Variants in ADGRE3 observed in about 807,000 individuals in gnomAD.
ADGRE3 encodes adhesion G protein-coupled receptor E3.
Under a neutral mutation model 80.1 loss-of-function variants are expected in ADGRE3, and 88 were observed. The observed-to-expected ratio is 1.10, with a 90% confidence interval of 0.93 to 1.31. The LOEUF is 1.31. ADGRE3 is among the 40% of genes most tolerant of loss of function. The pLI, the probability that ADGRE3 is intolerant of heterozygous loss-of-function variation, is 0.00. For missense variants in ADGRE3, 715 were observed against 776.5 expected (o/e 0.92, Z 0.94); for synonymous variants, 281 against 294.8 (o/e 0.95, Z 0.48).
chr19:14,663,562 G>C (rs746122510), intron 2 of ADGRE3, 22 bp from the exon 3 acceptor site: 1 of 1,607,044 alleles, frequency 6.2e-7, no homozygotes, highest in Admixed American at 1.7e-5. Flanking sequence ...AGAGAGGCAG[G>C]TTAAATGGAC....
At chr19:14,652,271 A>G (rs1257539514) in intron 6 of ADGRE3, among the ~76,000 whole-genome samples, 1 of 152,080 alleles carries the variant, frequency 6.6e-6, no homozygotes, top group East Asian at 1.9e-4. Flanking sequence ...AATATATACA[A>G]TTTTCTTTAT....
intron 10 of ADGRE3, 54 bp downstream of exon 10, chr19:14,641,365 T>A: frequency 6.2e-7 from 1 of 1,603,578 alleles, no homozygotes; most frequent in Non-Finnish European, 8.5e-7. Flanking sequence ...CATTGCTCCA[T>A]GAGCTCAGTG....
rs1368515830 is a variant in ADGRE3, at chr19:14,661,973, G to A, written c.345C>T (p.Asn115=). 6.2e-7 allele frequency: 1 copy of A among 1,614,112 alleles called. No homozygotes were observed. The highest frequency in any genetic ancestry group is 1.3e-5 in the African/African-American group (1 of 75,052). The change falls in exon 4 of 16, where the codon AAC becomes AAT. Residue 115 remains asparagine, a synonymous_variant. Coordinates refer to ENST00000253673, the MANE Select transcript of ADGRE3 (RefSeq NM_032571.5). Reference sequence around the variant, plus strand: ...CAAAAATGTTCTTACCCTGACAGGTGTTCTCATTGGAATTACTGAATTGTT... The same window carrying A: ...CAAAAATGTTCTTACCCTGACAGGTATTCTCATTGGAATTACTGAATTGTT... ...GNEQFSNSNE[N]TCQDTTSSKT...
the ADGRE3 span, chr19:14,610,567 A>T: frequency 5.1e-6 from 1 of 195,146 alleles, no homozygotes; most frequent in East Asian, 1.4e-4. Context: ...CCTGTGAACC[A>T]CAAAGAGCTG....
chr19:14,618,086 T>C (rs111340997), downstream of ADGRE3, among the ~76,000 whole-genome samples: 15,074 of 152,134 alleles, frequency 0.099, 795 homozygotes, highest in African/African-American at 0.13. Context: ...CCAGGCTCTT[T>C]TACACTTTAA....
At chr19:14,671,475 A>G (rs1418567945) in intron 1 of ADGRE3, among the ~76,000 whole-genome samples, 1 of 152,010 alleles carries the variant, frequency 6.6e-6, no homozygotes, top group Non-Finnish European at 1.5e-5. Context: ...TGTGATTATT[A>G]TATTAGGCCC....
chr19:14,669,576 C>T (rs112494156), intron 1 of ADGRE3, among the ~76,000 whole-genome samples: 6,148 of 152,184 alleles, frequency 0.04, 138 homozygotes, highest in East Asian at 0.1. Flanking sequence ...ACAACCTCCA[C>T]CTCCCAGGTT....
Position 14,650,871 on chromosome 19 carries a change from C to T in ADGRE3, c.697+214G>A, listed in dbSNP as rs186682975. The stretch of plus-strand genomic sequence containing the variant: ...ACACAGGCAGAACAGCACTCCCCCA[C>T]CATCCCAAATTGCAAAGTCCCTCCC... On this transcript the variant is annotated intron_variant, in intron 7 of 15. Transcript: ENST00000253673. Among the ~76,000 whole-genome samples, 4 of 152,258 alleles carry T rather than the reference C, an allele frequency of 2.6e-5. No homozygotes were observed. The East Asian group carries it at 7.7e-4, about 29-fold the overall frequency.
Position 14,646,546 on chromosome 19 carries a change from CTTTTTTT to C in ADGRE3, c.882+628_882+634del, listed in dbSNP as rs199907123. ...GTAGAATGATTACATCTAGCTAATT[CTTTTTTT>C]TTTTTTTTTTGCATTTATTCTTATT... On this transcript the variant is annotated intron_variant, in intron 8 of 15. Transcript: ENST00000253673. Among the ~76,000 whole-genome samples the C allele has an allele frequency of 3.3e-4, 40 of 120,710 alleles. 1 individual carries two copies. The allele number at this position is 120,710 out of a possible 152,430, so 79.2% of individuals were successfully genotyped here.
At chr19:14,644,431 C>T (rs1452719273) in intron 8 of ADGRE3, among the ~76,000 whole-genome samples, 156 bp from the exon 9 acceptor site, 1 of 151,924 alleles carries the variant, frequency 6.6e-6, no homozygotes, top group Non-Finnish European at 1.5e-5. Flanking sequence ...AGCGATTCTC[C>T]TGCCTCAGCC....
intron 1 of ADGRE3, 141 bp downstream of exon 1, chr19:14,674,605 G>C (rs148065639): frequency 1.3e-6 from 1 of 759,476 alleles, no homozygotes; most frequent in East Asian, 2.7e-5. Flanking sequence ...GGGTAGTCAG[G>C]AAGGAAACCA....
At chr19:14,629,759 G>A (rs1370629045) in intron 14 of ADGRE3, among the ~76,000 whole-genome samples, 1 of 152,104 alleles carries the variant, frequency 6.6e-6, no homozygotes, top group African/African-American at 2.4e-5. Flanking sequence ...TTTTGAGGTT[G>A]TTTGTTACAC....
chr19:14,637,484 C>A (rs1260886267), intron 11 of ADGRE3, among the ~76,000 whole-genome samples: 1 of 151,452 alleles, frequency 6.6e-6, no homozygotes, highest in Non-Finnish European at 1.5e-5. Context: ...GCCTTGAACT[C>A]CTGGGCTCAA....
chr19:14,652,844 T>C (rs144143703), intron 6 of ADGRE3, among the ~76,000 whole-genome samples: 4,434 of 151,958 alleles, frequency 0.029, 90 homozygotes, highest in Non-Finnish European at 0.042. Context: ...TACTGGTTTG[T>C]CTAATATTGA....
At chr19:14,624,903 A>G (rs1037908016) in intron 15 of ADGRE3, among the ~76,000 whole-genome samples, 1 of 151,806 alleles carries the variant, frequency 6.6e-6, no homozygotes, top group Non-Finnish European at 1.5e-5. Flanking sequence ...GGGGAACAAC[A>G]CTCACTGGGG....
chr19:14,659,821 T>C (rs963020138), intron 4 of ADGRE3, among the ~76,000 whole-genome samples: 1 of 14,962 alleles, frequency 6.7e-5, no homozygotes, highest in Non-Finnish European at 1.0e-4. Flanking sequence ...ACTCTGCCTC[T>C]GAAAAAAAAA....
chr19:14,652,461 G>A (rs1971633620), intron 6 of ADGRE3, among the ~76,000 whole-genome samples: 1 of 151,606 alleles, frequency 6.6e-6, no homozygotes, highest in Non-Finnish European at 1.5e-5. Context: ...AAAGAAGCAA[G>A]CAACAAAACA....
intron 1 of ADGRE3, among the ~76,000 whole-genome samples, chr19:14,670,378 T>G (rs1395680787): frequency 6.6e-6 from 1 of 152,226 alleles, no homozygotes; most frequent in African/African-American, 2.4e-5. Flanking sequence ...GAAAGTCACC[T>G]GGCTCTACTT....
rs756836391 is a variant in ADGRE3 at position 14,663,436 on chromosome 19, G to A, written c.181C>T (p.Pro61Ser). ...TCTTTACCGTTACATGTCTCCAAGG[G>A]GAATGTGAATAGTTTCTGCCCAGAT... The part of the protein sequence containing the change: ...SGSGQKLFTF[P>S]LETCNDINEC... The change falls in exon 3 of 16, where the codon CCC becomes TCC. Residue 61 changes from proline (P) to serine (S), a missense_variant. Coordinates refer to ENST00000253673, the MANE Select transcript of ADGRE3 (RefSeq NM_032571.5). 1 of 1,606,808 alleles carries A rather than the reference G, an allele frequency of 6.2e-7. No homozygotes were observed. Among genetic ancestry groups the A allele is most frequent in the Non-Finnish European group, 8.5e-7 (1 of 1,175,028 alleles).
Sources: allele counts gnomAD v4.1 joint callset (sites outside exome capture counted in the v4.1 genomes callset), GRCh38; gene constraint gnomAD v4.1.1; transcripts MANE v1.5; gene names NCBI Gene and HGNC (gene_info 2026-07-23, HGNC 2026-07-21).